Variants in PTPRD observed in about 807,000 individuals in gnomAD.
PTPRD encodes the protein receptor-type tyrosine-protein phosphatase delta.
A neutral mutation model predicts 214.5 loss-of-function variants in PTPRD; 34 were observed. The observed-to-expected ratio is 0.16, with a 90% CI of 0.12 to 0.21. The LOEUF (loss-of-function observed/expected upper bound fraction) is 0.21. Among genes scored for constraint, PTPRD ranks in the 10% least tolerant of loss-of-function variants. PTPRD has a pLI of 1.00. For synonymous variants in PTPRD, 1,128 were observed against 845.7 expected (o/e 1.33, Z -5.79); for missense variants, 2,545 against 2,398.7 (o/e 1.06, Z -1.27).
intron 7 of PTPRD, among the ~76,000 whole-genome samples, chr9:9,691,973 G>A (rs542799987): frequency 1.3e-5 from 2 of 151,982 alleles, no homozygotes; most frequent in African/African-American, 4.8e-5. Context: ...ATCAGATTAT[G>A]AGATCTTTTC....
At chr9:8,956,100 T>C (rs1588833138) in intron 11 of PTPRD, among the ~76,000 whole-genome samples, 2 of 151,940 alleles carry the variant, frequency 1.3e-5, no homozygotes, top group Non-Finnish European at 2.9e-5. Flanking sequence ...GCTCAATCTT[T>C]CCAGCAGCAA....
intron 21 of PTPRD, among the ~76,000 whole-genome samples, chr9:8,516,420 A>T (rs946926848): frequency 1.3e-5 from 2 of 152,190 alleles, no homozygotes; most frequent in Admixed American, 6.5e-5. Flanking sequence ...ATAAGAACCA[A>T]ATAATGGTAT....
chr9:9,648,975 T>C (rs117268871), intron 7 of PTPRD, among the ~76,000 whole-genome samples: 2,863 of 152,080 alleles, frequency 0.019, 24 homozygotes, highest in Middle Eastern at 0.031. Context: ...GAAAATATCA[T>C]AGGAGTGTCT....
At chr9:8,727,818 G>A (rs960191172) in intron 12 of PTPRD, among the ~76,000 whole-genome samples, 2 of 151,710 alleles carry the variant, frequency 1.3e-5, no homozygotes, top group East Asian at 1.9e-4. Flanking sequence ...ACAACTGGCT[G>A]TTTTTTTTCC....
intron 10 of PTPRD, among the ~76,000 whole-genome samples, chr9:9,036,038 C>T (rs1164442349): frequency 6.6e-6 from 1 of 151,918 alleles, no homozygotes; most frequent in African/African-American, 2.4e-5. Context: ...TCTTTTGAAA[C>T]TTCACTAGGT....
chr9:9,464,665 C>T (rs2093980107), intron 8 of PTPRD, among the ~76,000 whole-genome samples: 1 of 152,104 alleles, frequency 6.6e-6, no homozygotes, highest in African/African-American at 2.4e-5. Flanking sequence ...CAAATTCCAT[C>T]TGTTAGTTGA....
intron 11 of PTPRD, among the ~76,000 whole-genome samples, chr9:8,780,781 C>G (rs942548702): frequency 6.6e-5 from 10 of 152,130 alleles, no homozygotes; most frequent in Non-Finnish European, 2.9e-5. Flanking sequence ...ATAAGTCATC[C>G]TTAAACCCCA....
chr9:10,316,608 C>G (rs1436781239), intron 3 of PTPRD, among the ~76,000 whole-genome samples: 1 of 152,006 alleles, frequency 6.6e-6, no homozygotes, highest in Non-Finnish European at 1.5e-5. Flanking sequence ...GTTTTATGTT[C>G]AAAGCCAGCT....
At chr9:10,215,268 T>C (rs2099536070) in intron 3 of PTPRD, among the ~76,000 whole-genome samples, 1 of 151,302 alleles carries the variant, frequency 6.6e-6, no homozygotes, top group Admixed American at 6.6e-5. Context: ...AATTGACTGA[T>C]GGATTTGGAG....
intron 10 of PTPRD, among the ~76,000 whole-genome samples, chr9:9,051,531 C>G (rs1428000289): frequency 6.6e-6 from 1 of 152,092 alleles, no homozygotes; most frequent in South Asian, 2.1e-4. Flanking sequence ...ATTCTTTCTT[C>G]ATTTTTTAAC....
At chr9:8,809,964 C>G (rs902995576) in intron 11 of PTPRD, among the ~76,000 whole-genome samples, 1 of 152,176 alleles carries the variant, frequency 6.6e-6, no homozygotes, top group Non-Finnish European at 1.5e-5. Context: ...AGAACTATCA[C>G]CTGCTATCAG....
intron 3 of PTPRD, among the ~76,000 whole-genome samples, chr9:10,150,894 C>T (rs549852778): frequency 6.6e-6 from 1 of 151,870 alleles, no homozygotes; most frequent in Non-Finnish European, 1.5e-5. Flanking sequence ...TCCCCAAATT[C>T]TCTTAAAAAT....
chr9:9,762,850 G>A (rs1186450), intron 6 of PTPRD, among the ~76,000 whole-genome samples: 29,061 of 152,152 alleles, frequency 0.19, 4,402 homozygotes, highest in African/African-American at 0.4. Flanking sequence ...GGTTGCCATA[G>A]CAAGATACCA....
intron 11 of PTPRD, among the ~76,000 whole-genome samples, chr9:9,014,380 T>C (rs2099525528): frequency 6.6e-6 from 1 of 152,124 alleles, no homozygotes; most frequent in Non-Finnish European, 1.5e-5. Flanking sequence ...TTTTTGCTTT[T>C]AGTCATGCCC....
intron 6 of PTPRD, among the ~76,000 whole-genome samples, chr9:9,749,604 C>G (rs3118009): frequency 0.96 from 146,845 of 152,240 alleles, 70,871 homozygotes; most frequent in East Asian, 1. Flanking sequence ...ATTCTATAGA[C>G]AATCCACAGA....
In PTPRD at chr9:9,646,318, G is replaced by GGTGT. The variant is rs369865111; in HGVS notation, c.-286-71541_-286-71538dup. On this transcript the variant is annotated intron_variant, in intron 7 of 45. Transcript: ENST00000381196. ...TTTGGGAGGGGTGTGTGTGTGTGTG[G>GGTGT]GTGTGTGTGTGTGTGTGTGTGTGTG... Among the ~76,000 whole-genome samples, 848 of 137,290 alleles carry GGTGT rather than the reference G, an allele frequency of 6.2e-3. 7 individuals carry two copies. Among genetic ancestry groups the GGTGT allele is most frequent in the African/African-American group, 9.7e-3 (350 of 36,074 alleles). 90.1% of individuals were successfully genotyped at this position (137,290 alleles called of 152,430 possible). A position where few individuals can be genotyped will look rare whatever the true frequency, so the allele number is the denominator to read the frequency against.
At chr9:9,870,819 A>T (rs1243674581) in intron 5 of PTPRD, among the ~76,000 whole-genome samples, 1 of 152,134 alleles carries the variant, frequency 6.6e-6, no homozygotes, top group Non-Finnish European at 1.5e-5. Context: ...AAGGTAGGAT[A>T]GACACTTAGT....
chr9:8,451,677 A>G (rs901471137), intron 33 of PTPRD, among the ~76,000 whole-genome samples: 1 of 152,208 alleles, frequency 6.6e-6, no homozygotes, highest in Non-Finnish European at 1.5e-5. Flanking sequence ...CACGTGAAAC[A>G]TATGGTTGGT....
chr9:10,283,002 T>G (rs993691484), intron 3 of PTPRD, among the ~76,000 whole-genome samples: 3 of 152,128 alleles, frequency 2.0e-5, no homozygotes, highest in Admixed American at 6.6e-5. Flanking sequence ...TCTGTTCTTT[T>G]GCATGATTTT....
Sources: gnomAD v4.1 joint callset for allele counts (sites outside exome capture counted in the v4.1 genomes callset) on GRCh38, gnomAD v4.1.1 for gene constraint, MANE v1.5 for transcripts, NCBI Gene and HGNC (gene_info 2026-07-23, HGNC 2026-07-21) for gene names.